Variants in CYB5R3 observed in about 807,000 individuals in gnomAD.
CYB5R3 encodes NADH-cytochrome b5 reductase 3.
In CYB5R3, 28 loss-of-function variants were observed where a neutral mutation model predicts 36.5. The ratio of observed to expected loss-of-function variants is 0.77; its 90% confidence interval spans 0.57 to 1.05. CYB5R3 has a LOEUF of 1.05. Among genes scored for constraint, CYB5R3 ranks in the 50% least tolerant of loss-of-function variants. The probability of loss-of-function intolerance (pLI) is 0.00; values close to 1 mark genes in which losing one functional copy is unlikely to be tolerated. For missense variants in CYB5R3, 474 were observed against 408.9 expected (o/e 1.16, Z -1.37); for synonymous variants, 181 against 159.8 (o/e 1.13, Z -1.00).
At chr22:42,640,718 TTC>T (rs1929218170) in intron 1 of CYB5R3, 1 of 147,574 alleles carries the variant, frequency 6.8e-6, no homozygotes, top group African/African-American at 2.4e-5. Context: ...CTTCTTCCTC[TTC>T]TGTCACCCGA....
chr22:42,631,316 T>A (rs1259383067), intron 3 of CYB5R3, 62 bp downstream of exon 3: 7 of 1,468,470 alleles, frequency 4.8e-6, no homozygotes, highest in African/African-American at 2.8e-5. Context: ...CTTCCATCTC[T>A]CTGATCTAGT....
At chr22:42,644,060 C>T (rs1929418282) in intron 1 of CYB5R3, among the ~76,000 whole-genome samples, 2 of 152,126 alleles carry the variant, frequency 1.3e-5, no homozygotes, top group African/African-American at 4.8e-5. Context: ...TCGCTCACCA[C>T]ATGACACTGT....
At chr22:42,644,360 C>A (rs754712781) in intron 1 of CYB5R3, 1 of 704,350 alleles carries the variant, frequency 1.4e-6, no homozygotes, top group Non-Finnish European at 2.6e-6. Context: ...CCTGAAGGCA[C>A]CCTCTCTATG....
intron 1 of CYB5R3, among the ~76,000 whole-genome samples, chr22:42,643,468 G>A (rs1015945127): frequency 1.0e-5 from 1 of 100,062 alleles, no homozygotes; most frequent in Non-Finnish European, 1.9e-5. Flanking sequence ...ACCCTGCAAC[G>A]GCCCAGCAGC....
intron 1 of CYB5R3, among the ~76,000 whole-genome samples, chr22:42,641,101 T>C (rs1252360396): frequency 6.6e-6 from 1 of 150,976 alleles, no homozygotes; most frequent in African/African-American, 2.4e-5. Flanking sequence ...GTGATCCTCC[T>C]GCCTCGGCCT....
intron 1 of CYB5R3, chr22:42,646,758 C>G: frequency 2.0e-6 from 2 of 986,198 alleles, no homozygotes; most frequent in Non-Finnish European, 2.4e-6. Flanking sequence ...GTGGGGGGCT[C>G]TGGCTTGGCT....
chr22:42,629,462 T>C (rs891841309), intron 4 of CYB5R3, among the ~76,000 whole-genome samples: 3 of 152,210 alleles, frequency 2.0e-5, no homozygotes, highest in Non-Finnish European at 4.4e-5. Flanking sequence ...GGAAGCTCGG[T>C]CGCAGGTACC....
intron 2 of CYB5R3, among the ~76,000 whole-genome samples, chr22:42,635,986 G>T (rs1479534141): frequency 1.3e-5 from 2 of 152,196 alleles, no homozygotes; most frequent in African/African-American, 4.8e-5. Context: ...AGGTGGAGGT[G>T]CGGGGATCAC....
intron 5 of CYB5R3, 68 bp from the exon 6 acceptor site, chr22:42,627,756 G>T: frequency 8.3e-7 from 1 of 1,208,480 alleles, no homozygotes. Flanking sequence ...AGAGGCTGGA[G>T]AGGGGGCTGG....
chr22:42,646,683 C>T lies in CYB5R3; in HGVS notation c.21+2612G>A, dbSNP rs976987333. 1.1e-4 allele frequency: 108 copies of T among 985,588 alleles called. No homozygotes were observed. The African/African-American group carries it at 1.7e-3, about 15-fold the overall frequency. The allele number at this position is 985,588 out of a possible 1,614,324, so 61.1% of individuals were successfully genotyped here. A position where few individuals can be genotyped will look rare whatever the true frequency, so the allele number is the denominator to read the frequency against. On this transcript the variant is annotated intron_variant, in intron 1 of 8. Coordinates refer to ENST00000352397, the MANE Select transcript of CYB5R3 (RefSeq NM_000398.7). ...GCCAGCGGTCCTGCCAGAATCTGAG[C>T]GGCACCTCCCTCCTGGTCCTGTTCT...
chr22:42,637,023 T>A, intron 1 of CYB5R3, 177 bp from the exon 2 acceptor site: 1 of 785,166 alleles, frequency 1.3e-6, no homozygotes, highest in Non-Finnish European at 2.1e-6. Flanking sequence ...GGAGAAGCTA[T>A]AAAGACCAGC....
intron 1 of CYB5R3, chr22:42,644,341 C>T (rs757809538): frequency 1.4e-6 from 1 of 702,804 alleles, no homozygotes; most frequent in Non-Finnish European, 2.6e-6. Context: ...CATAGCTCCC[C>T]ACTGCCTACC....
intron 2 of CYB5R3, chr22:42,632,208 C>G (rs1369195375): frequency 6.6e-6 from 1 of 152,398 alleles, no homozygotes. Context: ...GAGCTGGAAC[C>G]AAACCCAGCG....
At chr22:42,647,034 TG>T in intron 1 of CYB5R3, 1 of 953,534 alleles carries the variant, frequency 1.0e-6, no homozygotes, top group South Asian at 4.8e-5. Context: ...CACAAAGTGT[TG>T]GGAGAGGCCT....
chr22:42,635,197 T>C (rs569982234), intron 2 of CYB5R3, among the ~76,000 whole-genome samples: 1 of 151,968 alleles, frequency 6.6e-6, no homozygotes, highest in African/African-American at 2.4e-5. Context: ...CTCAATCTCC[T>C]GACCTTGTGA....
intron 7 of CYB5R3, among the ~76,000 whole-genome samples, chr22:42,624,682 A>C (rs1247739259): frequency 1.4e-5 from 2 of 144,906 alleles, no homozygotes; most frequent in African/African-American, 5.1e-5. Context: ...GGGGCTCCTT[A>C]GGTCAGTGTG....
chr22:42,647,079 TAGA>T, intron 1 of CYB5R3: 5 of 659,014 alleles, frequency 7.6e-6, no homozygotes, highest in Non-Finnish European at 9.4e-6. Context: ...ATAAGACACC[TAGA>T]GCACCAGGCC....
intron 8 of CYB5R3, among the ~76,000 whole-genome samples, chr22:42,622,342 C>T (rs1340047225): frequency 6.6e-6 from 1 of 152,068 alleles, no homozygotes; most frequent in Non-Finnish European, 1.5e-5. Flanking sequence ...ACCCCGCCAC[C>T]ATAACCGCGC....
intron 8 of CYB5R3, among the ~76,000 whole-genome samples, chr22:42,621,768 C>A (rs1927985709): frequency 6.6e-6 from 1 of 152,260 alleles, no homozygotes. Context: ...GGGGCTCCTG[C>A]ACGCACCAGG....
Sources: gnomAD v4.1 joint callset for allele counts (sites outside exome capture counted in the v4.1 genomes callset) on GRCh38, gnomAD v4.1.1 for gene constraint, MANE v1.5 for transcripts, NCBI Gene and HGNC (gene_info 2026-07-23, HGNC 2026-07-21) for gene names.